The following CLEC12A variants were observed in gnomAD, a reference collection of about 807,000 sequenced individuals.
CLEC12A encodes C-type lectin domain family 12 member A, also known as C-type lectin protein CLL-1.
A neutral mutation model predicts 26.5 loss-of-function variants in CLEC12A; 22 were observed. That is an observed-to-expected ratio of 0.83 (90% CI 0.59 to 1.19). CLEC12A has a LOEUF of 1.19. CLEC12A is among the 50% of genes most tolerant of loss of function. The pLI is 0.00. For synonymous variants in CLEC12A, 119 were observed against 101.9 expected (o/e 1.17, Z -1.01); for missense variants, 353 against 315.6 (o/e 1.12, Z -0.90).
chr12:9,978,825 C>G (rs1864439388), intron 1 of CLEC12A, 141 bp from the exon 2 acceptor site: 1 of 624,160 alleles, frequency 1.6e-6, no homozygotes, highest in Non-Finnish European at 2.9e-6. Flanking sequence ...TTTGAATATT[C>G]TTGAATGGCT....
At chr12:9,975,195 A>T (rs763567693) in intron 1 of CLEC12A, among the ~76,000 whole-genome samples, 1 of 152,132 alleles carries the variant, frequency 6.6e-6, no homozygotes. Flanking sequence ...GTACCAATAG[A>T]GTAGGGCGCT....
exon 5 of CLEC12A, chr12:9,995,364 T>C: frequency 1.2e-6 from 1 of 815,296 alleles, no homozygotes; most frequent in Non-Finnish European, 2.1e-6. Flanking sequence ...TCTATATTAG[T>C]ATTAATGGAT....
chr12:9,999,300 C>A, downstream of CLEC12A: 1 of 421,676 alleles, frequency 2.4e-6, no homozygotes. Flanking sequence ...GATACATGGA[C>A]CTTGAACACA....
At chr12:9,983,784 G>GC in intron 5 of CLEC12A, 2 of 387,508 alleles carry the variant, frequency 5.2e-6, no homozygotes, top group South Asian at 8.9e-5. Context: ...AAGTGTAGGA[G>GC]TGTGGGTCAG....
At chr12:9,995,590 AC>A in exon 5 of CLEC12A, 2 of 344,290 alleles carry the variant, frequency 5.8e-6, no homozygotes, top group South Asian at 2.3e-5. Flanking sequence ...GAAAGGAAAT[AC>A]AAAGAAATAC....
chr12:9,953,757 TG>T (rs1863690557), intron 1 of CLEC12A, among the ~76,000 whole-genome samples: 1 of 151,912 alleles, frequency 6.6e-6, no homozygotes, highest in Admixed American at 6.5e-5. Context: ...GGCGGCTTTG[TG>T]GAATAGAAAG....
downstream of CLEC12A, chr12:9,997,084 C>G: frequency 6.2e-7 from 1 of 1,609,218 alleles, no homozygotes; most frequent in Non-Finnish European, 8.5e-7. Flanking sequence ...CTGCAGATCT[C>G]AAACTCCCTT....
chr12:9,998,992 A>T (rs777173601), downstream of CLEC12A: 1 of 1,122,310 alleles, frequency 8.9e-7, no homozygotes, highest in Non-Finnish European at 1.3e-6. Flanking sequence ...GAATCAACTC[A>T]TTTTTTAAAT....
upstream of CLEC12A, chr12:9,951,280 G>C: frequency 7.1e-6 from 5 of 702,436 alleles, no homozygotes; most frequent in East Asian, 1.3e-4. Context: ...ATTTAGCATT[G>C]CTGCTGCCAG....
intron 1 of CLEC12A, among the ~76,000 whole-genome samples, chr12:9,956,694 T>C (rs1863746727): frequency 6.6e-6 from 1 of 152,210 alleles, no homozygotes; most frequent in South Asian, 2.1e-4. Flanking sequence ...TCAGGCAAAC[T>C]ATAATAAGAT....
intron 4 of CLEC12A, among the ~76,000 whole-genome samples, chr12:9,994,383 A>G (rs776769870): frequency 1.2e-4 from 19 of 152,180 alleles, no homozygotes; most frequent in Admixed American, 6.5e-5. Context: ...GATCCTATCT[A>G]TAGTAAATAC....
downstream of CLEC12A, chr12:9,997,184 G>GT: frequency 1.9e-6 from 3 of 1,613,988 alleles, no homozygotes; most frequent in Non-Finnish European, 1.7e-6. Flanking sequence ...AGTTCTGATT[G>GT]TTTTACCACA....
chr12:9,996,643 T>C (rs2137240719), downstream of CLEC12A: 4 of 683,138 alleles, frequency 5.9e-6, no homozygotes, highest in East Asian at 2.8e-5. Flanking sequence ...TCAATTTGAC[T>C]GATCAACTCT....
the CLEC12A span, among the ~76,000 whole-genome samples, chr12:10,002,511 C>T: frequency 2.7e-5 from 4 of 146,488 alleles, no homozygotes; most frequent in Admixed American, 6.9e-5. Context: ...GGCGCGATCT[C>T]GGCTCACTGC....
At chr12:9,995,572 TAAAC>T in exon 5 of CLEC12A, 1 of 350,374 alleles carries the variant, frequency 2.9e-6, no homozygotes, top group South Asian at 2.3e-5. Flanking sequence ...GGAATAAATG[TAAAC>T]AGAGAAAGGA....
At chr12:9,998,583 A>G (rs575694314), downstream of CLEC12A, among the ~76,000 whole-genome samples, 3 of 141,694 alleles carry the variant, frequency 2.1e-5, 1 homozygote, top group East Asian at 6.0e-4. Flanking sequence ...TCTCATCTCC[A>G]ATGCACTTTA....
At chr12:9,979,168 G>C in intron 2 of CLEC12A, 104 bp downstream of exon 2, 1 of 1,053,270 alleles carries the variant, frequency 9.5e-7, no homozygotes, top group East Asian at 2.4e-5. Context: ...AATGATAGGT[G>C]ATAGGCCCAC....
At chr12:9,966,513 G>T (rs1222570426), upstream of CLEC12A, among the ~76,000 whole-genome samples, 1 of 152,142 alleles carries the variant, frequency 6.6e-6, no homozygotes, top group Non-Finnish European at 1.5e-5. Context: ...CAGGTGGCCA[G>T]ATTTCTGGCA....
At chr12:9,982,992 T>A (rs1042024500) in intron 5 of CLEC12A, among the ~76,000 whole-genome samples, 1 of 152,178 alleles carries the variant, frequency 6.6e-6, no homozygotes, top group African/African-American at 2.4e-5. Context: ...ACTTGAGTAG[T>A]ATTTCATGGT....
Sources: gnomAD v4.1 joint callset for allele counts (sites outside exome capture counted in the v4.1 genomes callset) on GRCh38, gnomAD v4.1.1 for gene constraint, MANE v1.5 for transcripts, NCBI Gene and HGNC (gene_info 2026-07-23, HGNC 2026-07-21) for gene names.